The following SMOC2 variants were observed in gnomAD, a reference collection of about 807,000 sequenced individuals.
SMOC2 encodes SPARC related modular calcium binding 2, also known as SPARC-related modular calcium-binding protein 2.
SMOC2 carries 39 observed loss-of-function variants against 61.4 expected under a neutral mutation model. That is an observed-to-expected ratio of 0.64 (90% CI 0.49 to 0.83). SMOC2 has a LOEUF of 0.83. Ranked by LOEUF, SMOC2 falls within the 40% of genes least tolerant of loss-of-function variation. The pLI is 0.00. For synonymous variants in SMOC2, 247 were observed against 239.9 expected (o/e 1.03, Z -0.27); for missense variants, 556 against 592.9 (o/e 0.94, Z 0.65).
chr6:168,635,198 G>A (rs1336464996), intron 9 of SMOC2, among the ~76,000 whole-genome samples: 3 of 152,206 alleles, frequency 2.0e-5, no homozygotes, highest in East Asian at 3.8e-4. Context: ...CACTCTAACT[G>A]TGGTTCCTAC....
intron 1 of SMOC2, among the ~76,000 whole-genome samples, chr6:168,456,780 C>T (rs966702495): frequency 3.9e-5 from 6 of 152,098 alleles, no homozygotes; most frequent in Non-Finnish European, 7.4e-5. Flanking sequence ...GGAGGGGACT[C>T]TGGATGCATC....
chr6:168,534,009 G>A (rs1783675173), intron 4 of SMOC2, among the ~76,000 whole-genome samples: 1 of 152,154 alleles, frequency 6.6e-6, no homozygotes, highest in Non-Finnish European at 1.5e-5. Context: ...ACTGTGGGAG[G>A]CTAAGGCAGG....
At chr6:168,545,762 G>T (rs1051456432) in intron 5 of SMOC2, among the ~76,000 whole-genome samples, 2 of 152,262 alleles carry the variant, frequency 1.3e-5, no homozygotes, top group African/African-American at 4.8e-5. Context: ...GGTGGTCCCA[G>T]AGTGGTGACT....
intron 4 of SMOC2, 130 bp downstream of exon 4, chr6:168,527,857 T>C: frequency 1.5e-6 from 1 of 680,870 alleles, no homozygotes; most frequent in Admixed American, 2.2e-5. Context: ...TGAGCCACAG[T>C]GGGAATAGAT....
intron 7 of SMOC2, among the ~76,000 whole-genome samples, chr6:168,590,801 T>C (rs1785162995): frequency 6.6e-6 from 1 of 152,192 alleles, no homozygotes; most frequent in Non-Finnish European, 1.5e-5. Context: ...CTTATTATCA[T>C]CTAAAAACTC....
intron 1 of SMOC2, among the ~76,000 whole-genome samples, chr6:168,472,405 ATATATT>A (rs1206375246): frequency 6.6e-6 from 1 of 152,122 alleles, no homozygotes; most frequent in Non-Finnish European, 1.5e-5. Flanking sequence ...CTATTGGTGT[ATATATT>A]TATTTTTATG....
At chr6:168,604,474 C>T (rs1785636186) in intron 8 of SMOC2, among the ~76,000 whole-genome samples, 1 of 152,170 alleles carries the variant, frequency 6.6e-6, no homozygotes, top group Non-Finnish European at 1.5e-5. Context: ...CCCAGTGATT[C>T]TGCCATTATT....
In SMOC2 at chr6:168,644,772, C is replaced by T. The variant is rs147887622; in HGVS notation, c.908-5909C>T. 3.3e-3 allele frequency among the ~76,000 whole-genome samples: 507 copies of T among 151,644 alleles called. 5 individuals are homozygous for T. Among genetic ancestry groups the T allele is most frequent in the African/African-American group, 0.012 (481 of 41,310 alleles). ...TCAAGTGATTCTCACACCTCAGCCT[C>T]CCAAGTAGCTGAGATTATAGGCATG... On this transcript the variant is annotated intron_variant, in intron 9 of 12. Coordinates refer to ENST00000356284, the MANE Select transcript of SMOC2 (RefSeq NM_001166412.2).
At chr6:168,457,803 T>C (rs535080283) in intron 1 of SMOC2, among the ~76,000 whole-genome samples, 3 of 152,326 alleles carry the variant, frequency 2.0e-5, no homozygotes, top group Admixed American at 6.5e-5. Flanking sequence ...AAGCCTGTTT[T>C]GTTCTCTCTT....
rs73791054 is a variant in SMOC2, at chr6:168,521,941, C to T, written c.257-4405C>T. Among the ~76,000 whole-genome samples the T allele has an allele frequency of 4.3e-3, 649 of 152,210 alleles. 2 individuals are homozygous for T. Among genetic ancestry groups the T allele is most frequent in the African/African-American group, 0.014 (587 of 41,550 alleles). On this transcript the variant is annotated intron_variant, in intron 2 of 12. Transcript: ENST00000356284. Reference sequence around the variant, plus strand: ...GATGAGTTCTTTCTTTATAAAGTCCCGGCTCTGCAGGTAAGAGCAAACATT... The same window carrying T: ...GATGAGTTCTTTCTTTATAAAGTCCTGGCTCTGCAGGTAAGAGCAAACATT...
intron 9 of SMOC2, among the ~76,000 whole-genome samples, chr6:168,614,772 A>G (rs1430725665): frequency 3.3e-4 from 15 of 45,830 alleles, no homozygotes; most frequent in African/African-American, 1.4e-3. Context: ...CAGCCAGCAC[A>G]GGGCCTCTTC....
intron 9 of SMOC2, among the ~76,000 whole-genome samples, chr6:168,632,674 A>G (rs1048534854): frequency 1.3e-5 from 2 of 152,208 alleles, no homozygotes; most frequent in African/African-American, 4.8e-5. Context: ...ATTATAAGCT[A>G]TCCTTGTGTT....
chr6:168,446,571 A>G (rs181868323), intron 1 of SMOC2, among the ~76,000 whole-genome samples: 2 of 152,356 alleles, frequency 1.3e-5, no homozygotes, highest in African/African-American at 4.8e-5. Context: ...ACATATGTAC[A>G]ACAGTTAATA....
chr6:168,653,763 C>T (rs1307574961), intron 11 of SMOC2, among the ~76,000 whole-genome samples: 1 of 146,938 alleles, frequency 6.8e-6, no homozygotes. Context: ...ATGTTAGGAA[C>T]TCACCAACCC....
At chr6:168,488,030 T>G (rs1782375644) in intron 1 of SMOC2, among the ~76,000 whole-genome samples, 1 of 152,202 alleles carries the variant, frequency 6.6e-6, no homozygotes, top group African/African-American at 2.4e-5. Context: ...TTCTCTCCGG[T>G]TATAGAGCAA....
intron 8 of SMOC2, among the ~76,000 whole-genome samples, chr6:168,605,977 G>C (rs1225554565): frequency 1.3e-5 from 2 of 152,186 alleles, no homozygotes; most frequent in Non-Finnish European, 2.9e-5. Flanking sequence ...CGGGCAGGAA[G>C]GGTCCATTCT....
At chr6:168,602,783 C>T (rs184867109) in intron 8 of SMOC2, among the ~76,000 whole-genome samples, 1 of 152,216 alleles carries the variant, frequency 6.6e-6, no homozygotes, top group East Asian at 1.9e-4. Context: ...AGGGCTGGGC[C>T]CAGTGAGGGC....
chr6:168,476,140 C>T (rs565340049), intron 1 of SMOC2, among the ~76,000 whole-genome samples: 1 of 152,224 alleles, frequency 6.6e-6, no homozygotes, highest in African/African-American at 2.4e-5. Flanking sequence ...TTAACCATCT[C>T]CAACTGTGCA....
intron 9 of SMOC2, among the ~76,000 whole-genome samples, chr6:168,643,147 G>A (rs901643775): frequency 2.6e-5 from 4 of 152,054 alleles, no homozygotes; most frequent in African/African-American, 9.7e-5. Flanking sequence ...TCCAAACTTC[G>A]CCTCACAGCC....
Sources: allele counts gnomAD v4.1 joint callset (sites outside exome capture counted in the v4.1 genomes callset), GRCh38; gene constraint gnomAD v4.1.1; transcripts MANE v1.5; gene names NCBI Gene and HGNC (gene_info 2026-07-23, HGNC 2026-07-21).